Variants in PRKAG2 observed in about 807,000 individuals in gnomAD.
PRKAG2 encodes the protein 5'-AMP-activated protein kinase subunit gamma-2.
A neutral mutation model predicts 69.6 loss-of-function variants in PRKAG2; 26 were observed. The ratio of observed to expected loss-of-function variants is 0.37; its 90% CI spans 0.27 to 0.52. PRKAG2 has a LOEUF of 0.52. Among genes scored for constraint, PRKAG2 ranks in the 20% least tolerant of loss-of-function variants. PRKAG2 has a pLI of 0.90. For missense variants in PRKAG2, 557 were observed against 740.0 expected, an observed-to-expected ratio of 0.75 and a Z score of 2.87; for synonymous variants, 293 against 285.0, an observed-to-expected ratio of 1.03 and a Z score of -0.28.
intron 1 of PRKAG2, among the ~76,000 whole-genome samples, chr7:151,873,593 G>C (rs35599550): frequency 2.0e-5 from 3 of 151,932 alleles, no homozygotes; most frequent in Non-Finnish European, 4.4e-5. Context: ...GCCTGGGCAC[G>C]TGGTCACCCT....
chr7:151,815,212 C>T (rs938042075), intron 1 of PRKAG2, among the ~76,000 whole-genome samples: 1 of 152,184 alleles, frequency 6.6e-6, no homozygotes, highest in Non-Finnish European at 1.5e-5. Flanking sequence ...AGACAGCCTG[C>T]AAACATCATC....
intron 1 of PRKAG2, among the ~76,000 whole-genome samples, chr7:151,857,609 G>C (rs575824481): frequency 9.9e-5 from 15 of 152,256 alleles, no homozygotes; most frequent in Non-Finnish European, 1.8e-4. Flanking sequence ...CCCTGCCAAC[G>C]GCCTCTGCTG....
At chr7:151,759,078 T>C (rs549062800) in intron 3 of PRKAG2, among the ~76,000 whole-genome samples, 1 of 152,144 alleles carries the variant, frequency 6.6e-6, no homozygotes, top group Admixed American at 6.5e-5. Context: ...CCTGGAATCC[T>C]GACCTCTCCT....
chr7:151,619,600 G>A (rs1820979891), intron 5 of PRKAG2, among the ~76,000 whole-genome samples: 1 of 152,080 alleles, frequency 6.6e-6, no homozygotes, highest in Non-Finnish European at 1.5e-5. Context: ...TTAAAAAATT[G>A]TATAAAATAA....
chr7:151,610,007 A>C (rs939088898), intron 5 of PRKAG2, among the ~76,000 whole-genome samples: 1 of 152,218 alleles, frequency 6.6e-6, no homozygotes, highest in Non-Finnish European at 1.5e-5. Context: ...GGAGGCTGCC[A>C]ACACCACCTT....
At chr7:151,731,949 C>T (rs1385360757) in intron 3 of PRKAG2, among the ~76,000 whole-genome samples, 1 of 152,046 alleles carries the variant, frequency 6.6e-6, no homozygotes, top group Non-Finnish European at 1.5e-5. Context: ...GTGATCCTCC[C>T]ACCTTAGCCT....
At chr7:151,647,947 G>T (rs1563338766) in intron 4 of PRKAG2, among the ~76,000 whole-genome samples, 1 of 152,194 alleles carries the variant, frequency 6.6e-6, no homozygotes, top group Non-Finnish European at 1.5e-5. Flanking sequence ...GGATTAGGAA[G>T]TAAATAGGAA....
chr7:151,631,745 CA>C (rs1329541786), intron 5 of PRKAG2: 12 of 468,412 alleles, frequency 2.6e-5, no homozygotes, highest in Non-Finnish European at 4.7e-5. Context: ...CAAGCACAAA[CA>C]ATTAGCGCTC....
intron 4 of PRKAG2, among the ~76,000 whole-genome samples, chr7:151,635,866 A>ATTT (rs1202730297): frequency 5.7e-5 from 8 of 139,788 alleles, no homozygotes; most frequent in East Asian, 2.1e-4. Flanking sequence ...ATGACAATAA[A>ATTT]TTTTTTTTTT....
chr7:151,649,757 T>C (rs1219877934), intron 4 of PRKAG2, among the ~76,000 whole-genome samples: 2 of 152,154 alleles, frequency 1.3e-5, no homozygotes, highest in Non-Finnish European at 2.9e-5. Flanking sequence ...CTTCACCTTC[T>C]GCCATGATTA....
In PRKAG2 at chr7:151,814,586, C is replaced by T; in HGVS notation, c.115-28045G>A. On this transcript the variant is annotated intron_variant, in intron 1 of 15. Coordinates refer to ENST00000287878, the MANE Select transcript of PRKAG2 (RefSeq NM_016203.4). This position sits in a 1 kb window ranked among gnomAD's most constrained non-coding sequence, Gnocchi z 4.8. ...CATCAGAGAAGGGGTTTCCCAGCCC[C>T]TTCAGCACAGGCAATTTCTAGGGTT... The T allele has an allele frequency of 1.6e-6, 2 of 1,231,770 alleles. No individual in the cohort carries two copies. Among genetic ancestry groups the T allele is most frequent in the Non-Finnish European group, 2.0e-6 (2 of 987,984 alleles). The allele number at this position is 1,231,770 out of a possible 1,614,324, so 76.3% of individuals were successfully genotyped here.
At chr7:151,809,061 C>T (rs1367890835) in intron 1 of PRKAG2, among the ~76,000 whole-genome samples, 2 of 152,172 alleles carry the variant, frequency 1.3e-5, no homozygotes, top group Non-Finnish European at 1.5e-5. Context: ...CAGGGCTCTA[C>T]GCCTTGCACG....
chr7:151,781,009 G>A lies in PRKAG2; in HGVS notation c.466+143C>T, dbSNP rs551404191. The A allele has an allele frequency of 4.6e-6, 5 of 1,078,792 alleles. No homozygotes were observed. In the African/African-American group the frequency reaches 7.8e-5, roughly 17 times the overall value. 66.8% of individuals were successfully genotyped at this position (1,078,792 alleles called of 1,614,324 possible). On this transcript the variant is annotated intron_variant, in intron 3 of 15. Transcript: ENST00000287878. The surrounding 1 kb of genome is among the most constrained non-coding windows in gnomAD (Gnocchi z 6.1). ...GAGAGATTTGTTTAGGGGGAAGTGG[G>A]GGTGGGGAGAAACAGATACAGGCAC...
chr7:151,873,084 T>C (rs1245107794), intron 1 of PRKAG2, among the ~76,000 whole-genome samples: 2 of 152,248 alleles, frequency 1.3e-5, no homozygotes, highest in Admixed American at 1.3e-4. Context: ...GCATCTTGTA[T>C]TTTTAGTTAC....
intron 1 of PRKAG2, among the ~76,000 whole-genome samples, chr7:151,792,244 T>C (rs897368135): frequency 2.0e-5 from 3 of 152,216 alleles, no homozygotes; most frequent in African/African-American, 7.2e-5. Context: ...CAACTTACCA[T>C]ACTAACTTTC....
intron 1 of PRKAG2, among the ~76,000 whole-genome samples, chr7:151,872,631 A>C (rs1175797624): frequency 6.6e-6 from 1 of 152,258 alleles, no homozygotes; most frequent in Non-Finnish European, 1.5e-5. Flanking sequence ...CCCACTGAGC[A>C]GCAGGGCGGC....
intron 1 of PRKAG2, among the ~76,000 whole-genome samples, chr7:151,821,053 G>GTAGAAGAGAGCCTCCAA (rs1216334379): frequency 6.6e-6 from 1 of 151,930 alleles, no homozygotes; most frequent in South Asian, 2.1e-4. Flanking sequence ...CAGAAGGAAA[G>GTAGAAGAGAGCCTCCAA]CTGTGGAGAC....
rs1563664022 is a variant in PRKAG2 at position 151,782,420 on chromosome 7, GGAAGGAAAGAAA to G, written c.187-1001_187-990del. Among the ~76,000 whole-genome samples the G allele has an allele frequency of 4.8e-5, 7 of 144,636 alleles. No homozygotes were observed. In the East Asian group the frequency reaches 8.2e-4, roughly 17 times the overall value. The allele number at this position is 144,636 out of a possible 152,430, so 94.9% of individuals were successfully genotyped here. A position where few individuals can be genotyped will look rare whatever the true frequency, so the allele number is the denominator to read the frequency against. On this transcript the variant is annotated intron_variant, in intron 2 of 15. Transcript: ENST00000287878. ...AGGAAGGAAGGAAGGAAGGAAGGAA[GGAAGGAAAGAAA>G]GAAGGAAAGAAGGAAGTTAACAAAG...
chr7:151,851,174 C>T (rs1231831893), intron 1 of PRKAG2, among the ~76,000 whole-genome samples: 1 of 152,092 alleles, frequency 6.6e-6, no homozygotes, highest in Non-Finnish European at 1.5e-5. Flanking sequence ...GTCGCCCATG[C>T]CAGAGTTCAG....
Sources: allele counts gnomAD v4.1 joint callset (sites outside exome capture counted in the v4.1 genomes callset), GRCh38; gene constraint gnomAD v4.1.1; non-coding constraint Gnocchi (gnomAD v3.1); transcripts MANE v1.5; gene names NCBI Gene and HGNC (gene_info 2026-07-23, HGNC 2026-07-21).